TUSC3: variants seen among roughly 807,000 people sequenced by gnomAD.
TUSC3 encodes the protein dolichyl-diphosphooligosaccharide--protein glycosyltransferase subunit TUSC3.
TUSC3 carries 45 observed loss-of-function variants against 44.8 expected under a neutral mutation model. That is an observed-to-expected ratio of 1.00 (90% CI 0.79 to 1.29). The LOEUF is 1.29. TUSC3 is among the 50% of genes most tolerant of loss of function. The pLI is 0.00. For missense variants in TUSC3, 519 were observed against 437.9 expected, an observed-to-expected ratio of 1.19 and a Z score of -1.65; for synonymous variants, 212 against 152.9, an observed-to-expected ratio of 1.39 and a Z score of -2.85.
intron 1 of TUSC3, among the ~76,000 whole-genome samples, chr8:15,428,843 T>G (rs913764518): frequency 5.9e-5 from 9 of 152,214 alleles, no homozygotes; most frequent in Admixed American, 4.6e-4. Flanking sequence ...TAAATTTGTT[T>G]GAGTTCATTG....
At chr8:15,619,217 T>C (rs893429869) in intron 1 of TUSC3, among the ~76,000 whole-genome samples, 1 of 152,346 alleles carries the variant, frequency 6.6e-6, no homozygotes, top group East Asian at 1.9e-4. Context: ...ATTTTCACTA[T>C]GATTTGATAT....
intron 1 of TUSC3, among the ~76,000 whole-genome samples, chr8:15,458,947 A>G (rs1029779790): frequency 3.9e-5 from 6 of 152,234 alleles, no homozygotes; most frequent in African/African-American, 1.4e-4. Context: ...GACCAAGAAG[A>G]CTAAAAGAGG....
At chr8:15,430,583 C>G in intron 1 of TUSC3, among the ~76,000 whole-genome samples, 1 of 151,360 alleles carries the variant, frequency 6.6e-6, no homozygotes, top group Non-Finnish European at 1.5e-5. Context: ...CAGGGATGCC[C>G]TCTCTCACCA....
chr8:15,689,138 A>G (rs1330336668), intron 6 of TUSC3: 6 of 395,650 alleles, frequency 1.5e-5, no homozygotes, highest in African/African-American at 4.3e-5. Flanking sequence ...CTTCTAGCTC[A>G]TTTATCGCTT....
chr8:15,736,865 A>G (rs1810959603), intron 7 of TUSC3, among the ~76,000 whole-genome samples: 1 of 152,134 alleles, frequency 6.6e-6, no homozygotes. Context: ...TCTCTGTATG[A>G]GTGGATATAG....
chr8:15,463,784 G>A (rs1018631170), intron 1 of TUSC3, among the ~76,000 whole-genome samples: 2 of 152,128 alleles, frequency 1.3e-5, no homozygotes, highest in African/African-American at 4.8e-5. Flanking sequence ...CTACAACCAG[G>A]ATGATTACAC....
intron 9 of TUSC3, among the ~76,000 whole-genome samples, chr8:15,757,505 A>G (rs1057452451): frequency 3.3e-5 from 5 of 152,154 alleles, no homozygotes; most frequent in African/African-American, 1.2e-4. Flanking sequence ...TAATATCTAA[A>G]TGGTGTGATG....
At chr8:15,499,301 AG>A (rs1800924629) in intron 2 of TUSC3, among the ~76,000 whole-genome samples, 1 of 152,266 alleles carries the variant, frequency 6.6e-6, no homozygotes, top group African/African-American at 2.4e-5. Context: ...AAACCATAAA[AG>A]GCACAGGTCA....
intron 1 of TUSC3, among the ~76,000 whole-genome samples, chr8:15,592,332 A>T (rs1422052929): frequency 6.6e-6 from 1 of 152,172 alleles, no homozygotes; most frequent in East Asian, 1.9e-4. Flanking sequence ...TTTCTGTGTG[A>T]ATAGCACTTG....
intron 5 of TUSC3, among the ~76,000 whole-genome samples, chr8:15,666,949 G>A (rs979944597): frequency 6.7e-6 from 1 of 149,982 alleles, no homozygotes; most frequent in South Asian, 2.1e-4. Context: ...TTCTGTAGTA[G>A]GAGTAAGCAG....
intron 2 of TUSC3, among the ~76,000 whole-genome samples, chr8:15,497,271 C>A (rs1447295736): frequency 2.6e-5 from 4 of 152,102 alleles, no homozygotes; most frequent in African/African-American, 9.7e-5. Flanking sequence ...CAATTCCCAC[C>A]GGGTGATTTA....
At chr8:15,564,235 A>T (rs963949218) in intron 1 of TUSC3, among the ~76,000 whole-genome samples, 1 of 152,134 alleles carries the variant, frequency 6.6e-6, no homozygotes, top group African/African-American at 2.4e-5. Context: ...TATTAATATT[A>T]TGGAGAATAG....
chr8:15,830,309 T>C, the TUSC3 span, among the ~76,000 whole-genome samples: 1 of 152,210 alleles, frequency 6.6e-6, no homozygotes, highest in Non-Finnish European at 1.5e-5. Flanking sequence ...TTTTCTATGC[T>C]TGTTTTTGCT....
chr8:15,837,776 A>G, the TUSC3 span, among the ~76,000 whole-genome samples: 1 of 152,110 alleles, frequency 6.6e-6, no homozygotes, highest in Non-Finnish European at 1.5e-5. Context: ...GCCTGTAACA[A>G]CCATTTTCTG....
At chr8:15,797,411 C>A in the TUSC3 span, among the ~76,000 whole-genome samples, 1 of 152,052 alleles carries the variant, frequency 6.6e-6, no homozygotes, top group Non-Finnish European at 1.5e-5. Flanking sequence ...GCCAGAGGGA[C>A]TTAGCACTGT....
the TUSC3 span, among the ~76,000 whole-genome samples, chr8:15,786,426 A>T: frequency 6.6e-6 from 1 of 152,216 alleles, no homozygotes; most frequent in African/African-American, 2.4e-5. Context: ...AATAATGTGG[A>T]AGCTATAAAA....
At chr8:15,754,818 A>G (rs1401073831) in intron 9 of TUSC3, among the ~76,000 whole-genome samples, 1 of 151,928 alleles carries the variant, frequency 6.6e-6, no homozygotes, top group Admixed American at 6.6e-5. Context: ...TTTCCTCACA[A>G]TTTTGAATTT....
At chr8:15,504,978 T>G (rs1433232715) in intron 2 of TUSC3, among the ~76,000 whole-genome samples, 1 of 152,092 alleles carries the variant, frequency 6.6e-6, no homozygotes, top group African/African-American at 2.4e-5. Flanking sequence ...CTATTTCAAA[T>G]GAGGTGCGGG....
In TUSC3 at chr8:15,713,207, T is replaced by C. The variant is rs571029722; in HGVS notation, c.799-17459T>C. ...TTATTCTCTTCCGAATTTATCATAC[T>C]CATTCCAAAGGTAACAGTGGTTTAC... On this transcript the variant is annotated intron_variant, in intron 6 of 10. Coordinates refer to ENST00000503731, the MANE Select transcript of TUSC3 (RefSeq NM_006765.4). Among the ~76,000 whole-genome samples, 3 of 152,286 alleles carry C rather than the reference T, an allele frequency of 2.0e-5. No individual in the cohort carries two copies. The East Asian group carries it at 5.8e-4, about 29-fold the overall frequency.
Sources: gnomAD v4.1 joint callset for allele counts (sites outside exome capture counted in the v4.1 genomes callset) on GRCh38, gnomAD v4.1.1 for gene constraint, MANE v1.5 for transcripts, NCBI Gene and HGNC (gene_info 2026-07-23, HGNC 2026-07-21) for gene names.